The following C6 variants were observed in gnomAD, a reference collection of about 807,000 sequenced individuals.
C6 encodes the protein complement C6, also known as complement component C6.
A neutral mutation model predicts 112.9 loss-of-function variants in C6; 101 were observed. The observed-to-expected ratio is 0.89, with a 90% CI of 0.76 to 1.06. The LOEUF (loss-of-function observed/expected upper bound fraction) is 1.06, where lower values mean the gene tolerates loss of function less well. Among genes scored for constraint, C6 ranks in the 50% least tolerant of loss-of-function variants. The pLI is 0.00. For synonymous variants in C6, 431 were observed against 384.1 expected, an observed-to-expected ratio of 1.12 and a Z score of -1.43; for missense variants, 1,202 against 1,104.6, an observed-to-expected ratio of 1.09 and a Z score of -1.25.
chr5:41,183,144 C>T (rs913554723), intron 6 of C6, among the ~76,000 whole-genome samples: 3 of 151,928 alleles, frequency 2.0e-5, no homozygotes, highest in Non-Finnish European at 1.5e-5. Flanking sequence ...TATGTGATGC[C>T]CTGAATTCAT....
At chr5:41,146,454 T>A (rs768043573) in intron 17 of C6, among the ~76,000 whole-genome samples, 6 of 152,182 alleles carry the variant, frequency 3.9e-5, no homozygotes, top group Non-Finnish European at 8.8e-5. Flanking sequence ...GTGGCCTGGG[T>A]ATAAAGTACA....
intron 8 of C6, 138 bp downstream of exon 8, chr5:41,176,337 A>G (rs1469823293): frequency 5.6e-6 from 5 of 891,144 alleles, no homozygotes; most frequent in African/African-American, 3.4e-5. Flanking sequence ...TGTATTTTTT[A>G]TCATTCTTCA....
chr5:41,203,221 G>C lies in C6; in HGVS notation c.10C>G (p.Arg4Gly), dbSNP rs150931891. The C allele has an allele frequency of 4.3e-6, 7 of 1,613,976 alleles. No individual in the cohort carries two copies. In the African/African-American group the frequency reaches 9.3e-5, roughly 22 times the overall value. The change falls in exon 2 of 18, where the codon CGC becomes GGC. Residue 4 changes from arginine (R) to glycine (G), a missense_variant. Physicochemically the swap from Arg to Gly is moderately radical, Grantham distance 125 (BLOSUM62 -2). Coordinates refer to ENST00000337836, the MANE Select transcript of C6 (RefSeq NM_000065.5). The part of the protein sequence containing the change: MAR[R>G]SVLYFILLNA... The stretch of plus-strand genomic sequence containing the variant: ...AGCAGGATGAAGTACAAGACAGAGC[G>C]TCTGGCCATGCCTTGAGAGCCTCCA...
At chr5:41,191,311 C>T (rs1268058549) in intron 5 of C6, among the ~76,000 whole-genome samples, 5 of 152,090 alleles carry the variant, frequency 3.3e-5, no homozygotes, top group South Asian at 2.1e-4. Context: ...ATGATCCACC[C>T]GCCTCGGCCT....
At chr5:41,254,891 A>G (rs761426477) in intron 1 of C6, among the ~76,000 whole-genome samples, 6 of 152,026 alleles carry the variant, frequency 3.9e-5, no homozygotes, top group Non-Finnish European at 8.8e-5. Flanking sequence ...TCTCCTAGAT[A>G]ATTTTGCAAA....
rs139402052 is a variant in C6, at chr5:41,248,814, A to G, written c.-21+12380T>C. Among the ~76,000 whole-genome samples, 105 of 152,332 alleles carry G rather than the reference A, an allele frequency of 6.9e-4. 2 individuals carry two copies. The East Asian group carries it at 0.019, about 28-fold the overall frequency. On this transcript the variant is annotated intron_variant, in intron 1 of 17. Coordinates refer to the C6 transcript ENST00000263413. ...ACTACCATTACCCAGCAATCCCATT[A>G]CTGGGTATATAGCCAAAGAAGATAA...
intron 5 of C6, among the ~76,000 whole-genome samples, chr5:41,190,609 G>T (rs1441488838): frequency 6.6e-6 from 1 of 152,160 alleles, no homozygotes; most frequent in African/African-American, 2.4e-5. Flanking sequence ...AAGCTTTTTA[G>T]TTTGATATAA....
chr5:41,211,466 G>T (rs904652058), intron 1 of C6, among the ~76,000 whole-genome samples: 1 of 152,004 alleles, frequency 6.6e-6, no homozygotes, highest in African/African-American at 2.4e-5. Flanking sequence ...CGCCTTTCCT[G>T]GTTTTCCTCA....
intron 4 of C6, among the ~76,000 whole-genome samples, chr5:41,197,234 C>T (rs560243543): frequency 6.6e-6 from 1 of 152,046 alleles, no homozygotes; most frequent in Non-Finnish European, 1.5e-5. Context: ...TTCCATCTTG[C>T]ATTATGTCAG....
chr5:41,177,141 T>C (rs1342676479), intron 7 of C6, among the ~76,000 whole-genome samples: 1 of 152,200 alleles, frequency 6.6e-6, no homozygotes, highest in Non-Finnish European at 1.5e-5. Flanking sequence ...GCAAGTGAGA[T>C]TCAAGTTACA....
rs1423441883 is a variant in C6, at chr5:41,142,176, G to A, written c.*649C>T. On this transcript the variant is annotated 3_prime_UTR_variant, in exon 18 of 18. Transcript: ENST00000337836. ...TTCCTTGCATAAGATGATAATTAAGGATGGGACTCACCCTTCCGTGTTGTA... is the reference window on the plus strand; with the variant it reads ...TTCCTTGCATAAGATGATAATTAAGAATGGGACTCACCCTTCCGTGTTGTA... The A allele has an allele frequency of 6.5e-6, 1 of 152,788 alleles. No homozygotes were observed. The highest frequency in any genetic ancestry group is 1.5e-5 in the Non-Finnish European group (1 of 68,486). The allele number at this position is 152,788 out of a possible 1,614,324, so 9.5% of individuals were successfully genotyped here. A position where few individuals can be genotyped will look rare whatever the true frequency, so the allele number is the denominator to read the frequency against.
chr5:41,142,583 C>G lies in C6; in HGVS notation c.*242G>C, dbSNP rs1423415. On this transcript the variant is annotated 3_prime_UTR_variant, in exon 18 of 18. Transcript: ENST00000337836. Reference sequence around the variant, plus strand: ...TGTACAATGTGAACAGGAGAATTTACGAGACTGCTGTGGAAGTTGGTACCT... The same window carrying G: ...TGTACAATGTGAACAGGAGAATTTAGGAGACTGCTGTGGAAGTTGGTACCT... 9 of 544,824 alleles carry G rather than the reference C, an allele frequency of 1.7e-5. No homozygotes were observed. In the African/African-American group the frequency reaches 1.7e-4, roughly 10 times the overall value. 33.7% of individuals were successfully genotyped at this position (544,824 alleles called of 1,614,324 possible). A position where few individuals can be genotyped will look rare whatever the true frequency, so the allele number is the denominator to read the frequency against.
chr5:41,227,167 T>C (rs908610127), intron 1 of C6, among the ~76,000 whole-genome samples: 4 of 152,224 alleles, frequency 2.6e-5, no homozygotes, highest in Admixed American at 2.0e-4. Flanking sequence ...TGTGTGGTGA[T>C]ACCTCATGAT....
intron 1 of C6, among the ~76,000 whole-genome samples, chr5:41,204,204 A>T (rs1452674624): frequency 6.6e-6 from 1 of 152,184 alleles, no homozygotes; most frequent in African/African-American, 2.4e-5. Flanking sequence ...CATTCGCCTA[A>T]TTTTTCTGTC....
At chr5:41,193,544 TATATATG>T (rs1340114422) in intron 5 of C6, among the ~76,000 whole-genome samples, 2 of 152,174 alleles carry the variant, frequency 1.3e-5, no homozygotes, top group African/African-American at 2.4e-5. Flanking sequence ...TATTTTCACA[TATATATG>T]TGTGTGATCC....
rs1031546084 is a variant in C6, at chr5:41,180,884, A to G, written c.927+475T>C. Among the ~76,000 whole-genome samples, 3 of 151,764 alleles carry G rather than the reference A, an allele frequency of 2.0e-5. 1 individual carries two copies. The highest frequency in any genetic ancestry group is 6.9e-3 in the Middle Eastern group (2 of 290). On this transcript the variant is annotated intron_variant, in intron 7 of 17. Coordinates refer to ENST00000337836, the MANE Select transcript of C6 (RefSeq NM_000065.5). The stretch of plus-strand genomic sequence containing the variant: ...GAACAGGGATCTCAAGAAAAGGAAT[A>G]TAAGAGGAAAAAAATGGAGATAGGT...
chr5:41,241,928 G>C (rs1740736246), intron 1 of C6, among the ~76,000 whole-genome samples: 1 of 152,092 alleles, frequency 6.6e-6, no homozygotes, highest in Non-Finnish European at 1.5e-5. Context: ...GTATTTGGAT[G>C]AATCTTGAAA....
intron 5 of C6, among the ~76,000 whole-genome samples, chr5:41,195,231 C>G (rs1750517217): frequency 1.3e-5 from 2 of 152,112 alleles, no homozygotes; most frequent in Admixed American, 1.3e-4. Flanking sequence ...TGTTGCTTAG[C>G]CCTCTCTTTT....
In C6 at chr5:41,142,201, A is replaced by G. The variant is rs1745418461; in HGVS notation, c.*624T>C. On this transcript the variant is annotated 3_prime_UTR_variant, in exon 18 of 18. Transcript: ENST00000337836. ...GATGGGACTCACCCTTCCGTGTTGT[A>G]TTTTCTCCAAAACAATTATCACCAT... is the stretch of plus-strand genomic sequence containing the variant. 6.5e-6 allele frequency: 1 copy of G among 153,768 alleles called. No homozygotes were observed. The highest frequency in any genetic ancestry group is 1.4e-5 in the Non-Finnish European group (1 of 69,104). 9.5% of individuals were successfully genotyped at this position (153,768 alleles called of 1,614,324 possible). A position where few individuals can be genotyped will look rare whatever the true frequency, so the allele number is the denominator to read the frequency against.
Sources: gnomAD v4.1 joint callset for allele counts (sites outside exome capture counted in the v4.1 genomes callset) on GRCh38, gnomAD v4.1.1 for gene constraint, MANE v1.5 for transcripts, NCBI Gene and HGNC (gene_info 2026-07-23, HGNC 2026-07-21) for gene names.